The following SNX29 variants were observed in gnomAD, a reference collection of about 807,000 sequenced individuals.
SNX29 encodes the protein sorting nexin-29.
A neutral mutation model predicts 102.1 loss-of-function variants in SNX29; 78 were observed. The observed-to-expected ratio is 0.76, with a 90% CI of 0.64 to 0.92. The LOEUF (loss-of-function observed/expected upper bound fraction) is 0.92. Among genes scored for constraint, SNX29 ranks in the 40% least tolerant of loss-of-function variants. The pLI, the probability that SNX29 is intolerant of heterozygous loss-of-function variation, is 0.00. For missense variants in SNX29, 1,280 were observed against 1,061.7 expected (o/e 1.21, Z -2.86); for synonymous variants, 580 against 414.5 (o/e 1.40, Z -4.85).
chr16:12,012,912 C>T (rs1010275148), intron 3 of SNX29, among the ~76,000 whole-genome samples: 29 of 151,490 alleles, frequency 1.9e-4, no homozygotes, highest in African/African-American at 4.9e-4. Context: ...GTACCTACAG[C>T]GTAGTATGGT....
At chr16:12,227,475 A>G (rs906499309) in intron 14 of SNX29, among the ~76,000 whole-genome samples, 1 of 152,236 alleles carries the variant, frequency 6.6e-6, no homozygotes, top group Non-Finnish European at 1.5e-5. Context: ...AAAGGCACAC[A>G]GAAATGACCA....
At chr16:12,276,405 G>T (rs1382576832) in intron 14 of SNX29, among the ~76,000 whole-genome samples, 2 of 152,156 alleles carry the variant, frequency 1.3e-5, no homozygotes, top group African/African-American at 2.4e-5. Context: ...GCCTTCGGCG[G>T]GCTCTAACAG....
At chr16:12,315,249 G>T (rs1395567701) in intron 15 of SNX29, among the ~76,000 whole-genome samples, 3 of 152,174 alleles carry the variant, frequency 2.0e-5, no homozygotes, top group East Asian at 1.9e-4. Flanking sequence ...AATTATTGTT[G>T]TTGTGATATG....
intron 16 of SNX29, among the ~76,000 whole-genome samples, chr16:12,393,746 A>G (rs909363068): frequency 8.5e-5 from 13 of 152,262 alleles, no homozygotes; most frequent in African/African-American, 2.9e-4. Flanking sequence ...GTAGCTTACA[A>G]TAATACTTGC....
intron 18 of SNX29, among the ~76,000 whole-genome samples, chr16:12,430,613 T>C (rs546585633): frequency 1.3e-5 from 2 of 152,368 alleles, no homozygotes; most frequent in South Asian, 4.1e-4. Context: ...ATGAAATTAA[T>C]AAAGTGTTAT....
At chr16:12,252,268 C>T (rs1407080688) in intron 14 of SNX29, among the ~76,000 whole-genome samples, 1 of 152,204 alleles carries the variant, frequency 6.6e-6, no homozygotes, top group Non-Finnish European at 1.5e-5. Context: ...TTCCTCTATC[C>T]TCCTGTCTAA....
At chr16:12,544,420 G>T (rs546231225) in intron 20 of SNX29, among the ~76,000 whole-genome samples, 1 of 152,188 alleles carries the variant, frequency 6.6e-6, no homozygotes, top group African/African-American at 2.4e-5. Context: ...ATGTCAGCTG[G>T]TGGGATTTGG....
chr16:12,468,738 C>A (rs1350244807), intron 18 of SNX29, among the ~76,000 whole-genome samples: 1 of 152,210 alleles, frequency 6.6e-6, no homozygotes, highest in Non-Finnish European at 1.5e-5. Flanking sequence ...CTGGTGGTGA[C>A]TGAGGAGGGA....
At chr16:12,344,164 C>T (rs2081702606) in intron 15 of SNX29, among the ~76,000 whole-genome samples, 1 of 152,186 alleles carries the variant, frequency 6.6e-6, no homozygotes. Context: ...TCATGTGGAA[C>T]TTGTGAGTCC....
chr16:12,553,377 C>A (rs1029374909), intron 20 of SNX29, among the ~76,000 whole-genome samples: 1 of 152,220 alleles, frequency 6.6e-6, no homozygotes, highest in South Asian at 2.1e-4. Context: ...CAGACATGCT[C>A]TCAAGTTGAA....
chr16:12,090,025 G>A (rs1301821264), intron 11 of SNX29: 2 of 157,214 alleles, frequency 1.3e-5, no homozygotes, highest in African/African-American at 4.8e-5. Context: ...GGTGCAGCAG[G>A]AGAGACGCGT....
At chr16:12,530,762 G>A (rs113390002) in intron 20 of SNX29, among the ~76,000 whole-genome samples, 4,862 of 152,112 alleles carry the variant, frequency 0.032, 125 homozygotes, top group South Asian at 0.12. Flanking sequence ...CTTCATGTTG[G>A]CCAGGAGTGT....
At chr16:12,363,421 G>C (rs1199060320) in intron 16 of SNX29, among the ~76,000 whole-genome samples, 2 of 152,180 alleles carry the variant, frequency 1.3e-5, no homozygotes, top group African/African-American at 4.8e-5. Flanking sequence ...AGACACCAGG[G>C]TGTTCGAGTG....
Position 12,249,982 on chromosome 16 carries a change from A to G in SNX29, c.1679-27951A>G, listed in dbSNP as rs147689512. ...GTTGGCAGGTGGGGAGGGCAGATCG[A>G]CAGGTCAAGGAGCAATCTCAATGAA... On this transcript the variant is annotated intron_variant, in intron 14 of 20. Coordinates refer to ENST00000566228, the MANE Select transcript of SNX29 (RefSeq NM_032167.5). Among the ~76,000 whole-genome samples the G allele has an allele frequency of 1.4e-3, 209 of 152,282 alleles. 1 individual carries two copies. Among genetic ancestry groups the G allele is most frequent in the African/African-American group, 4.7e-3 (197 of 41,560 alleles).
Position 12,061,548 on chromosome 16 carries a change from G to T in SNX29, c.1145G>T (p.Cys382Phe), listed in dbSNP as rs753263842. 1 of 1,606,980 alleles carries T rather than the reference G, an allele frequency of 6.2e-7. No individual in the cohort carries two copies. Among genetic ancestry groups the T allele is most frequent in the East Asian group, 2.2e-5 (1 of 44,782 alleles). Reference protein sequence around the residue: ...SPEKPLEGNTCLSQMHSWAPL... With the variant: ...SPEKPLEGNTFLSQMHSWAPL... Reference sequence around the variant, plus strand: ...CTTAGGCCACTGGAAGGGAACACCTGCCTCTCCCAGATGCACAGCTGGGCT... The same window carrying T: ...CTTAGGCCACTGGAAGGGAACACCTTCCTCTCCCAGATGCACAGCTGGGCT... Residue 382 changes from cysteine to phenylalanine, a missense_variant, in exon 9 of 21, where the codon TGC (cysteine) becomes TTC (phenylalanine). Coordinates refer to ENST00000566228, the MANE Select transcript of SNX29 (RefSeq NM_032167.5).
chr16:11,995,577 G>A (rs529246596), intron 1 of SNX29, among the ~76,000 whole-genome samples: 3 of 151,120 alleles, frequency 2.0e-5, no homozygotes, highest in Non-Finnish European at 2.9e-5. Flanking sequence ...ATGAAAAGAG[G>A]CTTTGCAGAG....
chr16:12,103,722 C>A (rs1055473120), intron 11 of SNX29, among the ~76,000 whole-genome samples: 2 of 152,174 alleles, frequency 1.3e-5, no homozygotes, highest in Non-Finnish European at 2.9e-5. Context: ...AGCTTCTGCA[C>A]AGCAAAAGAA....
intron 20 of SNX29, among the ~76,000 whole-genome samples, chr16:12,547,829 G>A (rs779337168): frequency 1.3e-5 from 2 of 152,272 alleles, no homozygotes; most frequent in South Asian, 2.1e-4. Context: ...CAGCCTTACT[G>A]AGCCCCAGAT....
chr16:12,208,246 T>G (rs1204060903), intron 14 of SNX29, among the ~76,000 whole-genome samples: 1 of 152,252 alleles, frequency 6.6e-6, no homozygotes, highest in Non-Finnish European at 1.5e-5. Context: ...GCCGGGCAGC[T>G]GCTTTGCACA....
Sources: allele counts gnomAD v4.1 joint callset (sites outside exome capture counted in the v4.1 genomes callset), GRCh38; gene constraint gnomAD v4.1.1; transcripts MANE v1.5; gene names NCBI Gene and HGNC (gene_info 2026-07-23, HGNC 2026-07-21).